NOMO1: variants seen among roughly 807,000 people sequenced by gnomAD.
NOMO1 encodes NODAL modulator 1, also known as nodal modulator 3.
NOMO1 carries 40 observed loss-of-function variants against 133.8 expected under a neutral mutation model. The ratio of observed to expected loss-of-function variants is 0.30; its 90% confidence interval spans 0.23 to 0.39. NOMO1 has a LOEUF of 0.39. Ranked by LOEUF, NOMO1 falls within the 10% of genes least tolerant of loss-of-function variation. NOMO1 has a pLI of 1.00. For synonymous variants in NOMO1, 236 were observed against 570.5 expected (o/e 0.41, Z 8.36); for missense variants, 462 against 1,419.9 (o/e 0.33, Z 10.84).
intron 18 of NOMO1, among the ~76,000 whole-genome samples, chr16:14,874,197 T>C (rs964338344): frequency 2.0e-5 from 3 of 151,834 alleles, no homozygotes; most frequent in African/African-American, 7.3e-5. Context: ...GCGAACGATT[T>C]CTTTTATCAT....
In NOMO1 at chr16:14,868,442, T is replaced by C. The variant is rs1964035119; in HGVS notation, c.1807-106T>C. 8.5e-5 allele frequency: 58 copies of C among 681,500 alleles called. 1 individual carries two copies. The East Asian group carries it at 1.4e-3, about 17-fold the overall frequency. 42.2% of individuals were successfully genotyped at this position (681,500 alleles called of 1,614,324 possible). Reference sequence around the variant, plus strand: ...TTCCTGTGGCACCCAACTGCTCCAATGATTAATGGGCAAAACAGATGACTG... The same window carrying C: ...TTCCTGTGGCACCCAACTGCTCCAACGATTAATGGGCAAAACAGATGACTG... On this transcript the variant is annotated intron_variant, in intron 15 of 30. Coordinates refer to ENST00000287667, the MANE Select transcript of NOMO1 (RefSeq NM_014287.4).
At chr16:14,885,340 C>G (rs1306293340) in intron 27 of NOMO1, among the ~76,000 whole-genome samples, 1 of 151,692 alleles carries the variant, frequency 6.6e-6, no homozygotes, top group Admixed American at 6.6e-5. Flanking sequence ...CACTTCATTT[C>G]CACATGCCTC....
At chr16:14,850,304 G>A (rs1290083772) in intron 6 of NOMO1, among the ~76,000 whole-genome samples, 1 of 151,876 alleles carries the variant, frequency 6.6e-6, no homozygotes, top group Non-Finnish European at 1.5e-5. Flanking sequence ...AGACATGTAT[G>A]GGAATAGCAG....
rs563611458 is a variant in NOMO1 at position 14,845,014 on chromosome 16, G to A, written c.402+240G>A. 4.6e-3 allele frequency among the ~76,000 whole-genome samples: 704 copies of A among 151,920 alleles called. 7 individuals carry two copies. The highest frequency in any genetic ancestry group is 0.013 in the African/African-American group (537 of 41,358). ...TGCTCCCAGAGCATAGGCTGTTGGT[G>A]TTTTTATTTTTTTATTTTTTATTTT... On this transcript the variant is annotated intron_variant, in intron 4 of 30. Coordinates refer to ENST00000287667, the MANE Select transcript of NOMO1 (RefSeq NM_014287.4).
intron 29 of NOMO1, among the ~76,000 whole-genome samples, chr16:14,889,546 C>T (rs1964377444): frequency 6.6e-6 from 1 of 151,660 alleles, no homozygotes; most frequent in Non-Finnish European, 1.5e-5. Flanking sequence ...AGAAAAAAAA[C>T]AAAACAAAAC....
At chr16:14,885,398 T>A (rs1260773754) in intron 27 of NOMO1, among the ~76,000 whole-genome samples, 2 of 151,966 alleles carry the variant, frequency 1.3e-5, no homozygotes, top group Admixed American at 1.3e-4. Flanking sequence ...AGACCTCTTA[T>A]AATCTTGTTC....
chr16:14,835,386 A>G (rs1434705666), intron 1 of NOMO1, among the ~76,000 whole-genome samples: 1 of 151,200 alleles, frequency 6.6e-6, no homozygotes, highest in Non-Finnish European at 1.5e-5. Flanking sequence ...CACTGGGGAC[A>G]GGACGCGTTC....
At chr16:14,839,782 G>C (rs1408193314) in intron 2 of NOMO1, among the ~76,000 whole-genome samples, 2 of 150,988 alleles carry the variant, frequency 1.3e-5, no homozygotes, top group Non-Finnish European at 2.9e-5. Context: ...CACTCTGTCA[G>C]CCAGGCTGGA....
At chr16:14,837,453 C>T (rs1362475756) in intron 1 of NOMO1, among the ~76,000 whole-genome samples, 3 of 152,090 alleles carry the variant, frequency 2.0e-5, no homozygotes, top group African/African-American at 4.8e-5. Context: ...CCACGCAACA[C>T]GTGGAAGACT....
Position 14,878,821 on chromosome 16 carries a change from C to CA in NOMO1, c.2745dup (p.Phe916IlefsTer21), listed in dbSNP as rs1964199810. ...TTGACCCAGGACAACGGCATTCTGA[C>CA]ATTCTCAAACCTGGTAACGTGTTCT... On this transcript the variant is annotated frameshift_variant, in exon 23 of 31. Coordinates refer to ENST00000287667, the MANE Select transcript of NOMO1 (RefSeq NM_014287.4). LOFTEE classifies it high-confidence loss of function. 2 of 1,611,698 alleles carry CA rather than the reference C, an allele frequency of 1.2e-6. No homozygotes were observed. The highest frequency in any genetic ancestry group is 3.3e-5 in the Admixed American group (2 of 59,992).
chr16:14,891,718 GAGATGAGA>G (rs1459263296), intron 29 of NOMO1, among the ~76,000 whole-genome samples: 52 of 151,864 alleles, frequency 3.4e-4, no homozygotes, highest in Non-Finnish European at 7.2e-4. Context: ...CTTTCATTTA[GAGATGAGA>G]AGATGGGAAC....
chr16:14,834,686 G>A (rs1294569485), intron 1 of NOMO1, among the ~76,000 whole-genome samples: 2 of 121,734 alleles, frequency 1.6e-5, no homozygotes, highest in Non-Finnish European at 1.7e-5. Flanking sequence ...TTGTGCTGAA[G>A]GTTTTTTTTT....
At chr16:14,859,711 T>C (rs542001299) in intron 11 of NOMO1, among the ~76,000 whole-genome samples, 1 of 151,998 alleles carries the variant, frequency 6.6e-6, no homozygotes, top group East Asian at 1.9e-4. Context: ...AATAAAGAGA[T>C]AAAAATTAAA....
Position 14,833,890 on chromosome 16 carries a change from G to C in NOMO1, c.39G>C (p.Ala13=), listed in dbSNP as rs1040022163. 7.6e-6 allele frequency: 6 copies of C among 791,176 alleles called. No homozygotes were observed. The Admixed American group carries it at 2.8e-4, about 37-fold the overall frequency. The allele number at this position is 791,176 out of a possible 1,614,324, so 49.0% of individuals were successfully genotyped here. A position where few individuals can be genotyped will look rare whatever the true frequency, so the allele number is the denominator to read the frequency against. Residue 13 remains alanine (A), a synonymous_variant, in exon 1 of 31, where the codon GCG becomes GCC. Coordinates refer to ENST00000287667, the MANE Select transcript of NOMO1 (RefSeq NM_014287.4). The part of the protein sequence containing the change: ...VGQGAGPLGP[A]VVTAAVVLLL... ...AGGGCGCGGGGCCGCTGGGGCCCGC[G>C]GTGGTCACCGCCGCGGTGGTGCTGC...
At chr16:14,869,679 C>T (rs905223100) in intron 16 of NOMO1, among the ~76,000 whole-genome samples, 6 of 150,558 alleles carry the variant, frequency 4.0e-5, no homozygotes, top group South Asian at 2.1e-4. Context: ...TCCAGTTTGA[C>T]GCTGTTATGA....
chr16:14,842,628 G>A (rs1208144850), intron 3 of NOMO1, among the ~76,000 whole-genome samples: 1 of 151,978 alleles, frequency 6.6e-6, no homozygotes, highest in East Asian at 1.9e-4. Context: ...CCATCCAGAT[G>A]ATAAGATAGC....
intron 27 of NOMO1, among the ~76,000 whole-genome samples, chr16:14,884,946 T>C (rs1364411965): frequency 6.6e-6 from 1 of 152,050 alleles, no homozygotes; most frequent in Admixed American, 6.5e-5. Context: ...CTGTAGGTTG[T>C]ACAGGAAGCA....
At chr16:14,854,101 T>TC in intron 9 of NOMO1, 75 bp downstream of exon 9, 1 of 901,564 alleles carries the variant, frequency 1.1e-6, no homozygotes, top group Non-Finnish European at 1.7e-6. Flanking sequence ...CAAACATGTT[T>TC]TAAAAAAAAA....
intron 26 of NOMO1, among the ~76,000 whole-genome samples, chr16:14,883,481 A>G (rs1247458112): frequency 2.0e-5 from 3 of 151,390 alleles, no homozygotes; most frequent in Non-Finnish European, 4.4e-5. Context: ...ACAGGCACAC[A>G]CCATCACACC....
Sources: gnomAD v4.1 joint callset for allele counts (sites outside exome capture counted in the v4.1 genomes callset) on GRCh38, gnomAD v4.1.1 for gene constraint, MANE v1.5 for transcripts, NCBI Gene and HGNC (gene_info 2026-07-23, HGNC 2026-07-21) for gene names.